The following EPHA6 variants were observed in gnomAD, a reference collection of about 807,000 sequenced individuals.
EPHA6 encodes the protein EPH receptor A6, also known as ephrin type-A receptor 6.
EPHA6 carries 50 observed loss-of-function variants against 112.0 expected under a neutral mutation model. The ratio of observed to expected loss-of-function variants is 0.45; its 90% CI spans 0.36 to 0.56. The LOEUF is 0.56. Ranked by LOEUF, EPHA6 falls within the 20% of genes least tolerant of loss-of-function variation. EPHA6 has a pLI of 0.00. For synonymous variants in EPHA6, 529 were observed against 490.7 expected (o/e 1.08, Z -1.03); for missense variants, 1,280 against 1,417.4 (o/e 0.90, Z 1.56).
At chr3:96,891,022 G>T (rs1361629468) in intron 2 of EPHA6, among the ~76,000 whole-genome samples, 2 of 152,214 alleles carry the variant, frequency 1.3e-5, no homozygotes, top group Non-Finnish European at 2.9e-5. Flanking sequence ...TGTGGAGGTT[G>T]CAGTGAGCTG....
intron 12 of EPHA6, among the ~76,000 whole-genome samples, chr3:97,598,031 C>T (rs2093608708): frequency 6.6e-6 from 1 of 152,096 alleles, no homozygotes; most frequent in Admixed American, 6.5e-5. Flanking sequence ...AAAGTATATG[C>T]ATTTTAAATA....
intron 3 of EPHA6, among the ~76,000 whole-genome samples, chr3:97,096,332 T>G (rs1477443508): frequency 6.6e-6 from 1 of 151,618 alleles, no homozygotes; most frequent in East Asian, 1.9e-4. Flanking sequence ...TATAGTTGAG[T>G]GCCGAGCTTT....
At chr3:97,356,579 G>A (rs1489250437) in intron 5 of EPHA6, among the ~76,000 whole-genome samples, 1 of 152,146 alleles carries the variant, frequency 6.6e-6, no homozygotes, top group East Asian at 1.9e-4. Flanking sequence ...AGAGTGTGGT[G>A]TTTAATTTCT....
intron 13 of EPHA6, among the ~76,000 whole-genome samples, chr3:97,629,075 C>T (rs2093882123): frequency 2.0e-5 from 3 of 151,604 alleles, no homozygotes; most frequent in South Asian, 2.1e-4. Flanking sequence ...GGACCACAGG[C>T]ATACACCACC....
intron 3 of EPHA6, among the ~76,000 whole-genome samples, chr3:97,078,170 C>A (rs1182652426): frequency 2.0e-5 from 3 of 152,184 alleles, no homozygotes; most frequent in Middle Eastern, 3.4e-3. Flanking sequence ...TTTCACATGT[C>A]TGTTGGCTGC....
chr3:97,309,846 T>C (rs1480302980), intron 5 of EPHA6, among the ~76,000 whole-genome samples: 1 of 151,604 alleles, frequency 6.6e-6, no homozygotes, highest in African/African-American at 2.4e-5. Context: ...CCTTTGTAAT[T>C]TAAAAACAAT....
At chr3:97,569,040 C>T (rs1353047886) in intron 11 of EPHA6, among the ~76,000 whole-genome samples, 1 of 152,008 alleles carries the variant, frequency 6.6e-6, no homozygotes, top group Non-Finnish European at 1.5e-5. Flanking sequence ...CTAAACTGGC[C>T]AGTAGGATTT....
chr3:96,973,981 T>C (rs976991076), intron 2 of EPHA6, among the ~76,000 whole-genome samples: 4 of 145,606 alleles, frequency 2.7e-5, no homozygotes, highest in African/African-American at 9.9e-5. Flanking sequence ...AACAGAATCT[T>C]TATTATATAT....
In EPHA6 at chr3:97,206,832, T is replaced by C. The variant is rs966626549; in HGVS notation, c.1115-19432T>C. Among the ~76,000 whole-genome samples the C allele has an allele frequency of 5.9e-5, 9 of 152,114 alleles. No homozygotes were observed. In the South Asian group the frequency reaches 1.0e-3, roughly 18 times the overall value. ...TATACATTTATCAAAGTTATTCCAC[T>C]TCAGAATAATCAAAGATGATTGTAC... On this transcript the variant is annotated intron_variant, in intron 3 of 17. Transcript: ENST00000389672.
chr3:96,975,447 G>C (rs1246191603), intron 2 of EPHA6, among the ~76,000 whole-genome samples: 1 of 152,052 alleles, frequency 6.6e-6, no homozygotes, highest in Non-Finnish European at 1.5e-5. Context: ...GAAACACTGG[G>C]TAATTGATTT....
intron 3 of EPHA6, among the ~76,000 whole-genome samples, chr3:97,218,089 T>C (rs1407662232): frequency 6.6e-6 from 1 of 152,012 alleles, no homozygotes; most frequent in Admixed American, 6.6e-5. Context: ...CTGAACAATA[T>C]GGCAAAACCC....
In EPHA6 at chr3:97,181,268, A is replaced by G. The variant is rs113661961; in HGVS notation, c.1115-44996A>G. On this transcript the variant is annotated intron_variant, in intron 3 of 17. Transcript: ENST00000389672. Reference sequence around the variant, plus strand: ...TGGAGAAGGGTGGCTTTGGCCATTCAGAAGGGTTTTTTCATCTCTTCAGTG... The same window carrying G: ...TGGAGAAGGGTGGCTTTGGCCATTCGGAAGGGTTTTTTCATCTCTTCAGTG... Among the ~76,000 whole-genome samples, 526 of 152,212 alleles carry G rather than the reference A, an allele frequency of 3.5e-3. 4 individuals are homozygous for G. The highest frequency in any genetic ancestry group is 0.011 in the African/African-American group (475 of 41,554).
At chr3:97,688,262 AT>A (rs1275255935) in intron 14 of EPHA6, among the ~76,000 whole-genome samples, 3 of 151,912 alleles carry the variant, frequency 2.0e-5, no homozygotes, top group African/African-American at 7.3e-5. Context: ...TTGGTATGTA[AT>A]TTTCTACTTC....
intron 2 of EPHA6, among the ~76,000 whole-genome samples, chr3:96,906,256 C>T (rs1368412916): frequency 6.6e-6 from 1 of 151,994 alleles, no homozygotes; most frequent in Non-Finnish European, 1.5e-5. Context: ...TTTGTTTTTA[C>T]TTTTCTTCCT....
chr3:97,359,001 GATTATA>G (rs1390125960), intron 5 of EPHA6, among the ~76,000 whole-genome samples: 2 of 147,684 alleles, frequency 1.4e-5, no homozygotes, highest in Non-Finnish European at 3.0e-5. Context: ...TTGAAATTTT[GATTATA>G]ATTATAATGT....
chr3:96,958,796 T>G (rs78726260), intron 2 of EPHA6, among the ~76,000 whole-genome samples: 3,496 of 152,266 alleles, frequency 0.023, 140 homozygotes, highest in African/African-American at 0.08. Context: ...GAGAGATTCT[T>G]TCTACTTAGG....
At chr3:97,310,959 A>T (rs1335996164) in intron 5 of EPHA6, among the ~76,000 whole-genome samples, 1 of 151,610 alleles carries the variant, frequency 6.6e-6, no homozygotes, top group Non-Finnish European at 1.5e-5. Context: ...CCTAACACAC[A>T]AACAGTAGGT....
At chr3:97,678,330 A>G (rs1274028529) in intron 14 of EPHA6, among the ~76,000 whole-genome samples, 1 of 152,210 alleles carries the variant, frequency 6.6e-6, no homozygotes, top group Non-Finnish European at 1.5e-5. Flanking sequence ...TAAGTTGAAC[A>G]AAACTTTAGG....
At chr3:96,946,585 T>C (rs1190214698) in intron 2 of EPHA6, among the ~76,000 whole-genome samples, 1 of 152,182 alleles carries the variant, frequency 6.6e-6, no homozygotes, top group Non-Finnish European at 1.5e-5. Context: ...TAATGGACAT[T>C]TGGGTTGGTT....
Sources: gnomAD v4.1 joint callset for allele counts (sites outside exome capture counted in the v4.1 genomes callset) on GRCh38, gnomAD v4.1.1 for gene constraint, MANE v1.5 for transcripts, NCBI Gene and HGNC (gene_info 2026-07-23, HGNC 2026-07-21) for gene names.